Variants in CD226 observed in about 807,000 individuals in gnomAD.
The protein encoded by CD226 is CD226 molecule, also known as CD226 antigen.
In CD226, 24 loss-of-function variants were observed where a neutral mutation model predicts 34.9. The ratio of observed to expected loss-of-function variants is 0.69; its 90% CI spans 0.50 to 0.97. The LOEUF (loss-of-function observed/expected upper bound fraction) is 0.97, where lower values mean the gene tolerates loss of function less well. Ranked by LOEUF, CD226 falls within the 50% of genes least tolerant of loss-of-function variation. The probability of loss-of-function intolerance (pLI) is 0.00; values close to 1 mark genes in which losing one functional copy is unlikely to be tolerated. For missense variants in CD226, 397 were observed against 412.7 expected (o/e 0.96, Z 0.33); for synonymous variants, 148 against 147.4 (o/e 1.00, Z -0.03).
At chr18:69,952,349 T>C (rs2055861590), upstream of CD226, among the ~76,000 whole-genome samples, 1 of 152,232 alleles carries the variant, frequency 6.6e-6, no homozygotes. Context: ...GTGATGGTTA[T>C]ATTAAAAGTC....
chr18:69,901,282 C>CT (rs2055179272), intron 2 of CD226, among the ~76,000 whole-genome samples: 1 of 152,138 alleles, frequency 6.6e-6, no homozygotes, highest in Admixed American at 6.5e-5. Context: ...AAAGTAGACA[C>CT]TTAATAATTT....
Position 69,895,831 on chromosome 18 carries a change from G to A in CD226, c.597C>T (p.Cys199=), listed in dbSNP as rs775816633. ...SKFPRQIVSN[C]SHGRWSVIVI... ...CGATGACGCTCCACCTTCCGTGGCT[G>A]CAGTTGCTCACTATTTGTCTTGGGA... Residue 199 remains cysteine (C), a synonymous_variant, in exon 3 of 6, where the codon TGC becomes TGT. Coordinates refer to ENST00000582621, the MANE Select transcript of CD226 (RefSeq NM_001303618.2). 3 of 1,614,068 alleles carry A rather than the reference G, an allele frequency of 1.9e-6. No individual in the cohort carries two copies. The African/African-American group carries it at 4.0e-5, about 22-fold the overall frequency.
At chr18:69,898,691 C>G (rs1314487351) in intron 2 of CD226, among the ~76,000 whole-genome samples, 1 of 152,168 alleles carries the variant, frequency 6.6e-6, no homozygotes, top group Non-Finnish European at 1.5e-5. Flanking sequence ...AACAGAGTAA[C>G]TGATTGGTGT....
rs770078007 is a variant in CD226, at chr18:69,947,019, T to C, written c.97A>G (p.Met33Val). ...WHTSVPFAEN[M>V]SLECVYPSMG... ...GATGGATACACACATTCTAGAGACA[T>C]GTTCTCGGCAAAGGGAACTGATGTA... The change falls in exon 2 of 6, where the codon ATG becomes GTG. Residue 33 changes from methionine to valine, a missense_variant. Transcript: ENST00000582621. 7 of 1,614,060 alleles carry C rather than the reference T, an allele frequency of 4.3e-6. No individual in the cohort carries two copies. The highest frequency in any genetic ancestry group is 5.9e-6 in the Non-Finnish European group (7 of 1,180,020).
rs1450951143 is a variant in CD226, at chr18:69,868,100, A to G, written c.831-689T>C. On this transcript the variant is annotated intron_variant, in intron 4 of 5. Transcript: ENST00000582621. Reference sequence around the variant, plus strand: ...ATTCAATAAACGCTCCACAGTTCCAATGAAACCCATAAAAACCTAACCAGG... The same window carrying G: ...ATTCAATAAACGCTCCACAGTTCCAGTGAAACCCATAAAAACCTAACCAGG... 3.3e-5 allele frequency among the ~76,000 whole-genome samples: 5 copies of G among 152,214 alleles called. No individual in the cohort carries two copies. In the East Asian group the frequency reaches 7.7e-4, roughly 23 times the overall value.
intron 2 of CD226, among the ~76,000 whole-genome samples, chr18:69,932,588 C>T (rs1053862918): frequency 4.6e-5 from 7 of 152,188 alleles, no homozygotes; most frequent in Admixed American, 1.3e-4. Context: ...ATCCATCCTG[C>T]AATTCCCAAG....
Position 69,947,175 on chromosome 18 carries a change from G to A in CD226, c.47-106C>T, listed in dbSNP as rs566023671. 1.2e-3 allele frequency: 1,276 copies of A among 1,036,956 alleles called. 21 individuals are homozygous for A. The highest frequency in any genetic ancestry group is 4.4e-3 in the South Asian group (275 of 63,018). The allele number at this position is 1,036,956 out of a possible 1,614,324, so 64.2% of individuals were successfully genotyped here. ...GTGCATTGAGATCACAGTAAAGGCT[G>A]ACAGTTTCTGCCTTTGTCTAAAAAG... On this transcript the variant is annotated intron_variant, in intron 1 of 5. Transcript: ENST00000582621.
intron 2 of CD226, among the ~76,000 whole-genome samples, chr18:69,913,409 G>A (rs747589948): frequency 4.6e-5 from 7 of 152,166 alleles, no homozygotes; most frequent in Non-Finnish European, 7.4e-5. Flanking sequence ...ATTTCTCAGA[G>A]TGAGAAAAGG....
chr18:69,879,883 C>A (rs1181308605), intron 3 of CD226, among the ~76,000 whole-genome samples: 3 of 152,182 alleles, frequency 2.0e-5, no homozygotes, highest in African/African-American at 7.2e-5. Context: ...GTAATACAAC[C>A]AGTTACAGCT....
At chr18:69,932,239 CTCTT>C (rs1055294363) in intron 2 of CD226, among the ~76,000 whole-genome samples, 14 of 152,158 alleles carry the variant, frequency 9.2e-5, no homozygotes, top group African/African-American at 2.2e-4. Flanking sequence ...TGTCTGAGTG[CTCTT>C]TCTAACTGCA....
upstream of CD226, among the ~76,000 whole-genome samples, chr18:69,952,429 A>G (rs2055862270): frequency 6.6e-6 from 1 of 152,242 alleles, no homozygotes; most frequent in African/African-American, 2.4e-5. Flanking sequence ...AATTTATACA[A>G]ATAAAAATAA....
At chr18:69,879,812 C>G (rs1190871017) in intron 3 of CD226, among the ~76,000 whole-genome samples, 2 of 152,228 alleles carry the variant, frequency 1.3e-5, no homozygotes, top group African/African-American at 4.8e-5. Flanking sequence ...CAGCCAGTCC[C>G]TCCGTTCAGG....
At chr18:69,924,608 A>T (rs1161498416) in intron 2 of CD226, among the ~76,000 whole-genome samples, 5 of 143,808 alleles carry the variant, frequency 3.5e-5, no homozygotes, top group Non-Finnish European at 7.6e-5. Context: ...ATGCCAACAG[A>T]TCTAAAGGGC....
Position 69,859,701 on chromosome 18 carries a change from G to A in CD226, c.*4613C>T, listed in dbSNP as rs1982719391. ...ATGAGGAAGGGCAAGGGACTACTATGTTTCGGGAAAAACAAAAACAAACAA... is the reference window on the plus strand; with the variant it reads ...ATGAGGAAGGGCAAGGGACTACTATATTTCGGGAAAAACAAAAACAAACAA... On this transcript the variant is annotated 3_prime_UTR_variant, in exon 6 of 6. Transcript: ENST00000582621. The A allele has an allele frequency of 6.6e-6, 1 of 152,046 alleles. No individual in the cohort carries two copies. The highest frequency in any genetic ancestry group is 2.4e-5 in the African/African-American group (1 of 41,422). 9.4% of individuals were successfully genotyped at this position (152,046 alleles called of 1,614,324 possible). A position where few individuals can be genotyped will look rare whatever the true frequency, so the allele number is the denominator to read the frequency against.
At chr18:69,872,471 G>A (rs553358846) in intron 4 of CD226, among the ~76,000 whole-genome samples, 4 of 151,922 alleles carry the variant, frequency 2.6e-5, no homozygotes, top group Admixed American at 6.6e-5. Flanking sequence ...GGCTGGACTC[G>A]AACTCTTGGA....
Position 69,864,436 on chromosome 18 carries a change from G to A in CD226, c.889C>T (p.Pro297Ser), listed in dbSNP as rs1411875729. ...FTESWDTQKAPNNYRSPISTS... is the reference protein window; with the variant it reads ...FTESWDTQKASNNYRSPISTS... ...GAGATGGGACTTCTATAGTTATTGG[G>A]TGCCTAGAAAGACAAACAGCAGAGA... Residue 297 changes from proline (P) to serine (S), a missense_variant, in exon 6 of 6, where the codon CCC becomes TCC. By Grantham distance (74) the Pro-to-Ser change is moderately conservative. Coordinates refer to ENST00000582621, the MANE Select transcript of CD226 (RefSeq NM_001303618.2). 1.9e-6 allele frequency: 3 copies of A among 1,612,538 alleles called. No homozygotes were observed. The highest frequency in any genetic ancestry group is 4.5e-5 in the East Asian group (2 of 44,804).
chr18:69,864,692 C>A (rs992553193), intron 5 of CD226, among the ~76,000 whole-genome samples: 4 of 152,162 alleles, frequency 2.6e-5, no homozygotes, highest in African/African-American at 9.6e-5. Flanking sequence ...ATGTAGAACT[C>A]CCTCTCCCAA....
At chr18:69,931,567 T>C (rs1389017378) in intron 2 of CD226, among the ~76,000 whole-genome samples, 6 of 152,110 alleles carry the variant, frequency 3.9e-5, no homozygotes, top group Admixed American at 6.6e-5. Context: ...AAAACACAAA[T>C]TAAGGTAGAG....
rs754760129 is a variant in CD226, at chr18:69,873,173, A to G, written c.801T>C (p.Ile267=). The part of the protein sequence containing the change: ...TVLLLLFVIS[I]TTIIVIFLNR... Reference sequence around the variant, plus strand: ...TAAGGAAAATGACAATGATGGTGGTAATTGAGATAACAAACAACAACAATA... The same window carrying G: ...TAAGGAAAATGACAATGATGGTGGTGATTGAGATAACAAACAACAACAATA... Residue 267 remains isoleucine (I), a synonymous_variant, in exon 4 of 6, where the codon ATT becomes ATC. Coordinates refer to ENST00000582621, the MANE Select transcript of CD226 (RefSeq NM_001303618.2). 2 of 1,605,598 alleles carry G rather than the reference A, an allele frequency of 1.2e-6. No homozygotes were observed. Among genetic ancestry groups the G allele is most frequent in the Admixed American group, 3.3e-5 (2 of 59,996 alleles).
Sources: gnomAD v4.1 joint callset for allele counts (sites outside exome capture counted in the v4.1 genomes callset) on GRCh38, gnomAD v4.1.1 for gene constraint, MANE v1.5 for transcripts, NCBI Gene and HGNC (gene_info 2026-07-23, HGNC 2026-07-21) for gene names.